ZC3H12C: variants seen among roughly 807,000 people sequenced by gnomAD.
ZC3H12C encodes the protein zinc finger CCCH-type containing 12C, also known as probable ribonuclease ZC3H12C.
A neutral mutation model predicts 76.3 loss-of-function variants in ZC3H12C; 20 were observed. The ratio of observed to expected loss-of-function variants is 0.26; its 90% CI spans 0.18 to 0.38. ZC3H12C has a LOEUF of 0.38. Among genes scored for constraint, ZC3H12C ranks in the 10% least tolerant of loss-of-function variants. ZC3H12C has a pLI of 1.00. For missense variants in ZC3H12C, 874 were observed against 1,086.5 expected, an observed-to-expected ratio of 0.80 and a Z score of 2.75; for synonymous variants, 352 against 399.6, an observed-to-expected ratio of 0.88 and a Z score of 1.42.
rs1862603325 is a variant in ZC3H12C at position 110,167,406 on chromosome 11, T to C, written c.*1669T>C. The C allele has an allele frequency of 6.6e-6, 1 of 152,120 alleles. No individual in the cohort carries two copies. The allele number at this position is 152,120 out of a possible 1,614,324, so 9.4% of individuals were successfully genotyped here. Reference sequence around the variant, plus strand: ...ACAAATTTTTAAAGTAAAATTGAGGTCTAGAATAGATTAGAAAATAAAAAT... The same window carrying C: ...ACAAATTTTTAAAGTAAAATTGAGGCCTAGAATAGATTAGAAAATAAAAAT... On this transcript the variant is annotated 3_prime_UTR_variant, in exon 6 of 6. Transcript: ENST00000278590.
intron 2 of ZC3H12C, among the ~76,000 whole-genome samples, chr11:110,150,196 C>A (rs554105695): frequency 1.7e-4 from 26 of 151,892 alleles, no homozygotes; most frequent in African/African-American, 6.3e-4. Flanking sequence ...TTCTCAAGTT[C>A]TGTGAAAAAA....
intron 1 of ZC3H12C, among the ~76,000 whole-genome samples, chr11:110,122,440 T>TA (rs201938831): frequency 2.5e-4 from 38 of 151,706 alleles, no homozygotes; most frequent in East Asian, 7.7e-4. Flanking sequence ...CTTCTGCTTT[T>TA]AAAAAAAAAT....
chr11:110,130,123 C>T (rs985571332), intron 1 of ZC3H12C, among the ~76,000 whole-genome samples: 5 of 152,078 alleles, frequency 3.3e-5, no homozygotes, highest in African/African-American at 9.7e-5. Flanking sequence ...GACTTTGCTT[C>T]TCTTTAATTA....
chr11:110,115,210 G>T (rs971147852), intron 1 of ZC3H12C, among the ~76,000 whole-genome samples: 1 of 151,566 alleles, frequency 6.6e-6, no homozygotes, highest in African/African-American at 2.4e-5. Flanking sequence ...GGGCTCAAGC[G>T]ATCCTCCTGC....
intron 2 of ZC3H12C, among the ~76,000 whole-genome samples, chr11:110,147,126 T>C (rs1051086314): frequency 7.2e-5 from 11 of 152,156 alleles, no homozygotes; most frequent in Non-Finnish European, 1.0e-4. Flanking sequence ...ACCGTGCCTG[T>C]TCCATTAGTC....
intron 1 of ZC3H12C, among the ~76,000 whole-genome samples, chr11:110,117,145 A>G (rs1387866334): frequency 2.6e-5 from 4 of 152,312 alleles, no homozygotes; most frequent in East Asian, 3.9e-4. Flanking sequence ...TTTTAAATCA[A>G]CAAAATAGTG....
intron 4 of ZC3H12C, among the ~76,000 whole-genome samples, chr11:110,161,834 T>A (rs966117344): frequency 1.3e-5 from 2 of 152,160 alleles, no homozygotes; most frequent in African/African-American, 4.8e-5. Flanking sequence ...AGAGTTCTTA[T>A]GAAAAAAAGA....
At chr11:110,134,609 T>C (rs1861922272) in intron 1 of ZC3H12C, among the ~76,000 whole-genome samples, 1 of 152,162 alleles carries the variant, frequency 6.6e-6, no homozygotes, top group South Asian at 2.1e-4. Flanking sequence ...GTAATTGGGC[T>C]CATGCATATC....
At chr11:110,145,122 T>C (rs1252430601) in intron 2 of ZC3H12C, among the ~76,000 whole-genome samples, 1 of 152,212 alleles carries the variant, frequency 6.6e-6, no homozygotes, top group African/African-American at 2.4e-5. Flanking sequence ...ACCTCTATTA[T>C]CTATTAACCA....
At chr11:110,112,969 C>T (rs1370587537) in intron 1 of ZC3H12C, among the ~76,000 whole-genome samples, 1 of 150,388 alleles carries the variant, frequency 6.6e-6, no homozygotes, top group African/African-American at 2.5e-5. Flanking sequence ...TGAATCCAGT[C>T]TCCTGGTTTA....
At chr11:110,158,158 C>G (rs1308917458) in intron 3 of ZC3H12C, among the ~76,000 whole-genome samples, 1 of 152,140 alleles carries the variant, frequency 6.6e-6, no homozygotes, top group Non-Finnish European at 1.5e-5. Context: ...AACATATGAA[C>G]TCTAGTACCC....
Position 110,164,295 on chromosome 11 carries a change from G to A in ZC3H12C, c.1256-46G>A. On this transcript the variant is annotated intron_variant, in intron 5 of 5. Coordinates refer to ENST00000278590, the MANE Select transcript of ZC3H12C (RefSeq NM_033390.2). This position sits in a 1 kb window ranked among gnomAD's most constrained non-coding sequence, Gnocchi z 5.7. ...TCATAGGGCCAAACTGAGTTTTCAG[G>A]ATCTGATGGTATGCTCCTTTGCCTA... 6.7e-7 allele frequency: 1 copy of A among 1,483,168 alleles called. No individual in the cohort carries two copies. Among genetic ancestry groups the A allele is most frequent in the Non-Finnish European group, 9.0e-7 (1 of 1,115,910 alleles). 91.9% of individuals were successfully genotyped at this position (1,483,168 alleles called of 1,614,324 possible).
Position 110,117,832 on chromosome 11 carries a change from A to T in ZC3H12C, c.22-18831A>T, listed in dbSNP as rs936002345. On this transcript the variant is annotated intron_variant, in intron 1 of 5. Transcript: ENST00000278590. Reference sequence around the variant, plus strand: ...CACATATATATACACACACACATATAATATATATATACACACACACATATA... The same window carrying T: ...CACATATATATACACACACACATATTATATATATATACACACACACATATA... 1.2e-4 allele frequency among the ~76,000 whole-genome samples: 10 copies of T among 86,550 alleles called. No individual in the cohort carries two copies. The South Asian group carries it at 1.3e-3, about 11-fold the overall frequency. The allele number at this position is 86,550 out of a possible 152,430, so 56.8% of individuals were successfully genotyped here.
intron 1 of ZC3H12C, among the ~76,000 whole-genome samples, chr11:110,095,793 A>G (rs1275740133): frequency 1.3e-5 from 2 of 152,194 alleles, no homozygotes; most frequent in African/African-American, 4.8e-5. Flanking sequence ...CTGGAAGGAA[A>G]GCAGGGAGTG....
chr11:110,145,955 T>C (rs1030305521), intron 2 of ZC3H12C, among the ~76,000 whole-genome samples: 1 of 152,032 alleles, frequency 6.6e-6, no homozygotes, highest in Non-Finnish European at 1.5e-5. Flanking sequence ...TAGAAGACGG[T>C]TGAGAGAAAC....
chr11:110,154,572 C>A (rs932000089), intron 3 of ZC3H12C, among the ~76,000 whole-genome samples: 2 of 151,938 alleles, frequency 1.3e-5, no homozygotes, highest in Non-Finnish European at 2.9e-5. Flanking sequence ...TGTTTAGACC[C>A]TTATCTTACA....
intron 1 of ZC3H12C, among the ~76,000 whole-genome samples, chr11:110,095,775 A>T (rs1458005675): frequency 6.6e-6 from 1 of 152,206 alleles, no homozygotes; most frequent in African/African-American, 2.4e-5. Flanking sequence ...CAAATGAGTC[A>T]GTGAACCCTG....
At chr11:110,139,643 G>T (rs914573057) in intron 2 of ZC3H12C, among the ~76,000 whole-genome samples, 1 of 152,070 alleles carries the variant, frequency 6.6e-6, no homozygotes, top group East Asian at 1.9e-4. Context: ...AATCCAGAAT[G>T]TCTGAATGAT....
rs555675790 is a variant in ZC3H12C at position 110,130,931 on chromosome 11, C to T, written c.22-5732C>T. 32 of 1,168,530 alleles carry T rather than the reference C, an allele frequency of 2.7e-5. No individual in the cohort carries two copies. The African/African-American group carries it at 4.3e-4, about 16-fold the overall frequency. 72.4% of individuals were successfully genotyped at this position (1,168,530 alleles called of 1,614,324 possible). On this transcript the variant is annotated intron_variant, in intron 1 of 5. Coordinates refer to ENST00000278590, the MANE Select transcript of ZC3H12C (RefSeq NM_033390.2). ...GGCCAACTAATTGTGAGCTTTCTGG[C>T]CTATGATTGGCTGTTATTCCACTCG... is the stretch of plus-strand genomic sequence containing the variant.
Sources: allele counts gnomAD v4.1 joint callset (sites outside exome capture counted in the v4.1 genomes callset), GRCh38; gene constraint gnomAD v4.1.1; non-coding constraint Gnocchi (gnomAD v3.1); transcripts MANE v1.5; gene names NCBI Gene and HGNC (gene_info 2026-07-23, HGNC 2026-07-21).